The following POLDIP3 variants were observed in gnomAD, a reference collection of about 807,000 sequenced individuals.
POLDIP3 encodes DNA polymerase delta interacting protein 3.
Under a neutral mutation model 45.1 loss-of-function variants are expected in POLDIP3, and 14 were observed. The ratio of observed to expected loss-of-function variants is 0.31; its 90% CI spans 0.20 to 0.49. POLDIP3 has a LOEUF of 0.49. Among genes scored for constraint, POLDIP3 ranks in the 20% least tolerant of loss-of-function variants. The pLI, the probability that POLDIP3 is intolerant of heterozygous loss-of-function variation, is 0.99. For synonymous variants in POLDIP3, 223 were observed against 205.2 expected, an observed-to-expected ratio of 1.09 and a Z score of -0.74; for missense variants, 511 against 538.8, an observed-to-expected ratio of 0.95 and a Z score of 0.51.
intron 1 of POLDIP3, among the ~76,000 whole-genome samples, chr22:42,606,263 T>C (rs1441786575): frequency 1.3e-5 from 2 of 152,014 alleles, no homozygotes; most frequent in Non-Finnish European, 2.9e-5. Context: ...GGCTCATGCC[T>C]GTAATCTCAG....
intron 3 of POLDIP3, 70 bp from the exon 4 acceptor site, chr22:42,599,863 C>G: frequency 3.5e-6 from 4 of 1,151,006 alleles, no homozygotes; most frequent in East Asian, 2.4e-5. Flanking sequence ...CTAGAACAGG[C>G]ATGGCAAGGA....
intron 7 of POLDIP3, among the ~76,000 whole-genome samples, chr22:42,588,729 A>G: frequency 6.6e-6 from 1 of 151,546 alleles, no homozygotes; most frequent in Admixed American, 6.6e-5. Context: ...CCTGGGTTCA[A>G]GCGATTATCC....
At chr22:42,611,333 T>C (rs1037468809) in intron 1 of POLDIP3, among the ~76,000 whole-genome samples, 2 of 152,172 alleles carry the variant, frequency 1.3e-5, no homozygotes, top group Admixed American at 1.3e-4. Flanking sequence ...ATGACCCTTT[T>C]CTTGACTCAC....
chr22:42,594,283 G>A (rs946745005), intron 6 of POLDIP3, among the ~76,000 whole-genome samples: 1 of 151,870 alleles, frequency 6.6e-6, no homozygotes, highest in Non-Finnish European at 1.5e-5. Flanking sequence ...AATCGAGGTG[G>A]GTGGATCATT....
chr22:42,605,810 A>G lies in POLDIP3; in HGVS notation c.60-2650T>C, dbSNP rs368860707. The stretch of plus-strand genomic sequence containing the variant: ...TTCGTGTTCCATGGCCTACAAAGCC[A>G]TAGACAAACTGGGACTATGCTTTGG... On this transcript the variant is annotated intron_variant, in intron 1 of 8. Transcript: ENST00000252115. 9.8e-5 allele frequency among the ~76,000 whole-genome samples: 15 copies of G among 152,302 alleles called. No individual in the cohort carries two copies. The East Asian group carries it at 1.3e-3, about 14-fold the overall frequency.
chr22:42,595,600 T>C lies in POLDIP3; in HGVS notation c.828A>G (p.Pro276=). 1 of 1,613,908 alleles carries C rather than the reference T, an allele frequency of 6.2e-7. No individual in the cohort carries two copies. Among genetic ancestry groups the C allele is most frequent in the African/African-American group, 1.3e-5 (1 of 75,026 alleles). ...TCACAGTCATCTTGGTGCCTTCCAATGGGCTGAGAACAGGCTGCCACACAG... is the reference window on the plus strand; with the variant it reads ...TCACAGTCATCTTGGTGCCTTCCAACGGGCTGAGAACAGGCTGCCACACAG... ...ELPAAEPVLS[P]LEGTKMTVNN... Residue 276 remains proline (P), a synonymous_variant, in exon 6 of 9, where the codon CCA becomes CCG. Coordinates refer to ENST00000252115, the MANE Select transcript of POLDIP3 (RefSeq NM_032311.5).
chr22:42,601,094 CAAA>C (rs909249574), intron 3 of POLDIP3, among the ~76,000 whole-genome samples: 1 of 149,436 alleles, frequency 6.7e-6, no homozygotes, highest in African/African-American at 2.5e-5. Flanking sequence ...AACCCTGTAT[CAAA>C]AAAAAAGAAG....
At chr22:42,594,959 G>A (rs886767721) in intron 6 of POLDIP3, among the ~76,000 whole-genome samples, 1 of 152,228 alleles carries the variant, frequency 6.6e-6, no homozygotes, top group African/African-American at 2.4e-5. Flanking sequence ...ATTCAGGCCA[G>A]GCACCTGGCC....
chr22:42,590,282 A>G (rs927418959), intron 7 of POLDIP3, among the ~76,000 whole-genome samples: 2 of 152,214 alleles, frequency 1.3e-5, no homozygotes, highest in African/African-American at 4.8e-5. Context: ...TCAACTTCCC[A>G]GGCTCAAGTG....
intron 1 of POLDIP3, among the ~76,000 whole-genome samples, chr22:42,613,597 C>T (rs1356374659): frequency 6.6e-6 from 1 of 152,058 alleles, no homozygotes; most frequent in Non-Finnish European, 1.5e-5. Context: ...TCCATCTCTA[C>T]TAAAAATACA....
intron 1 of POLDIP3, among the ~76,000 whole-genome samples, chr22:42,604,761 A>G (rs1926613874): frequency 6.6e-6 from 1 of 152,202 alleles, no homozygotes; most frequent in Non-Finnish European, 1.5e-5. Flanking sequence ...TATCCCTCAA[A>G]TAATGGAAAA....
intron 7 of POLDIP3, among the ~76,000 whole-genome samples, chr22:42,591,126 A>C (rs1465409372): frequency 6.6e-6 from 1 of 151,698 alleles, no homozygotes; most frequent in Admixed American, 6.6e-5. Flanking sequence ...AGAAAGAAAA[A>C]GGAAAATAAG....
chr22:42,592,130 A>G, intron 6 of POLDIP3, 46 bp from the exon 7 acceptor site: 2 of 1,608,906 alleles, frequency 1.2e-6, no homozygotes, highest in Non-Finnish European at 1.7e-6. Context: ...ATTTCTCAGC[A>G]CCTGCCGCTC....
chr22:42,606,339 A>G (rs1416416098), intron 1 of POLDIP3, among the ~76,000 whole-genome samples: 1 of 151,866 alleles, frequency 6.6e-6, no homozygotes, highest in African/African-American at 2.4e-5. Context: ...CGGGCAACAT[A>G]GCGAGACTCC....
chr22:42,611,745 C>T (rs1268487194), intron 1 of POLDIP3, among the ~76,000 whole-genome samples: 5 of 152,094 alleles, frequency 3.3e-5, no homozygotes, highest in Non-Finnish European at 7.3e-5. Flanking sequence ...GGCGTGGTGG[C>T]GCATGCCTAT....
chr22:42,605,798 G>T (rs1294959253), intron 1 of POLDIP3, among the ~76,000 whole-genome samples: 1 of 152,146 alleles, frequency 6.6e-6, no homozygotes, highest in African/African-American at 2.4e-5. Flanking sequence ...GTGTTCCATG[G>T]CCTACAAAGC....
At chr22:42,599,449 C>CCA (rs1926206768) in intron 4 of POLDIP3, among the ~76,000 whole-genome samples, 1 of 152,104 alleles carries the variant, frequency 6.6e-6, no homozygotes, top group Admixed American at 6.6e-5. Context: ...ACTAAAAATA[C>CCA]AAAAATTAGC....
chr22:42,614,360 G>C (rs535007130), intron 1 of POLDIP3, among the ~76,000 whole-genome samples: 4 of 152,354 alleles, frequency 2.6e-5, no homozygotes, highest in East Asian at 1.9e-4. Context: ...CCTCAGCTTC[G>C]GCGGTCGGAG....
rs1449667556 is a variant in POLDIP3, at chr22:42,585,915, A to C, written c.1142T>G (p.Val381Gly). 9.9e-6 allele frequency: 16 copies of C among 1,613,318 alleles called. 1 individual carries two copies. The highest frequency in any genetic ancestry group is 1.4e-5 in the Non-Finnish European group (16 of 1,179,954). The change falls in exon 9 of 9, where the codon GTG becomes GGG. Residue 381 changes from valine (V) to glycine (G), a missense_variant. Val to Gly is a moderately radical substitution (Grantham distance 109, BLOSUM62 -3). Around this residue, in one of 4 missense-constraint regions of POLDIP3, gnomAD observed 45 missense variants for 34.3 expected, o/e 1.31. Coordinates refer to ENST00000252115, the MANE Select transcript of POLDIP3 (RefSeq NM_032311.5). ...MKKESELPRR[V>G]NSASSSNPPA... ...GGGGTTGGAGGAGGAGGCAGAGTTC[A>C]CCCTGCGAGGCAGCTCGCTCTCCTT...
Sources: gnomAD v4.1 joint callset for allele counts (sites outside exome capture counted in the v4.1 genomes callset) on GRCh38, gnomAD v4.1.1 for gene constraint, gnomAD v4.1.1 regional missense constraint, MANE v1.5 for transcripts, NCBI Gene and HGNC (gene_info 2026-07-23, HGNC 2026-07-21) for gene names.